RFX3: variants seen among roughly 807,000 people sequenced by gnomAD.
RFX3 encodes the protein transcription factor RFX3.
RFX3 carries 14 observed loss-of-function variants against 98.6 expected under a neutral mutation model. The ratio of observed to expected loss-of-function variants is 0.14; its 90% confidence interval spans 0.09 to 0.22. The LOEUF is 0.22. Among genes scored for constraint, RFX3 ranks in the 10% least tolerant of loss-of-function variants. The pLI is 1.00. For missense variants in RFX3, 639 were observed against 926.9 expected (o/e 0.69, Z 4.03); for synonymous variants, 383 against 328.4 (o/e 1.17, Z -1.80).
At chr9:3,372,634 G>A (rs1340981087) in intron 2 of RFX3, among the ~76,000 whole-genome samples, 1 of 147,710 alleles carries the variant, frequency 6.8e-6, no homozygotes, top group Non-Finnish European at 1.5e-5. Context: ...TGCAACCTCT[G>A]CCCCCCAGGT....
intron 1 of RFX3, among the ~76,000 whole-genome samples, chr9:3,496,797 T>C (rs1226268672): frequency 6.6e-6 from 1 of 151,982 alleles, no homozygotes; most frequent in Non-Finnish European, 1.5e-5. Context: ...CCTAACAATT[T>C]TGCAAGCTAA....
chr9:3,483,362 G>A (rs1348363571), intron 1 of RFX3, among the ~76,000 whole-genome samples: 2 of 152,150 alleles, frequency 1.3e-5, no homozygotes, highest in Non-Finnish European at 2.9e-5. Flanking sequence ...TGTCCCTGTT[G>A]AGACAGGTAC....
At chr9:3,423,378 C>T (rs1234531785) in intron 1 of RFX3, among the ~76,000 whole-genome samples, 1 of 152,050 alleles carries the variant, frequency 6.6e-6, no homozygotes, top group Admixed American at 6.5e-5. Flanking sequence ...AAACTGAAAA[C>T]CAAATATACA....
At chr9:3,417,332 C>G (rs1240714789) in intron 1 of RFX3, among the ~76,000 whole-genome samples, 1 of 151,992 alleles carries the variant, frequency 6.6e-6, no homozygotes, top group Non-Finnish European at 1.5e-5. Flanking sequence ...TCAATTTGTG[C>G]AAACTGACAT....
At chr9:3,406,413 T>A (rs1262398722) in intron 1 of RFX3, among the ~76,000 whole-genome samples, 1 of 152,050 alleles carries the variant, frequency 6.6e-6, no homozygotes, top group African/African-American at 2.4e-5. Flanking sequence ...TCCATCTTGC[T>A]CTTAACAAGT....
intron 4 of RFX3, among the ~76,000 whole-genome samples, chr9:3,312,793 G>A (rs1164644146): frequency 6.6e-6 from 1 of 152,210 alleles, no homozygotes; most frequent in Non-Finnish European, 1.5e-5. Flanking sequence ...AGATTGAACT[G>A]CAAGGTGGCA....
Position 3,385,687 on chromosome 9 carries a change from TA to T in RFX3, c.117+9784del, listed in dbSNP as rs1163965329. On this transcript the variant is annotated intron_variant, in intron 2 of 16. Transcript: ENST00000617270. ...TGCACCATTGCACTCCAGCCTGTCT[TA>T]AAAAAAAAAAAAAAAAGAAAAGAAA... is the stretch of plus-strand genomic sequence containing the variant. Among the ~76,000 whole-genome samples the T allele has an allele frequency of 2.6e-3, 310 of 118,634 alleles. 1 individual carries two copies. The highest frequency in any genetic ancestry group is 2.9e-3 in the Admixed American group (32 of 11,192). 77.8% of individuals were successfully genotyped at this position (118,634 alleles called of 152,430 possible).
chr9:3,366,690 TTTCCTTTCTTTCTTTCTTTC>T (rs1363168850), intron 2 of RFX3, among the ~76,000 whole-genome samples: 16 of 127,282 alleles, frequency 1.3e-4, no homozygotes, highest in Non-Finnish European at 1.3e-4. Context: ...TTCTTCTTTC[TTTCCTTTCTTTCTTTCTTTC>T]TTTCTTTCTT....
intron 1 of RFX3, among the ~76,000 whole-genome samples, chr9:3,428,335 C>T (rs930676579): frequency 2.0e-5 from 3 of 152,076 alleles, no homozygotes; most frequent in Non-Finnish European, 2.9e-5. Flanking sequence ...GAATAGGTAG[C>T]GCTAAATAAT....
intron 1 of RFX3, among the ~76,000 whole-genome samples, chr9:3,487,172 C>A (rs561378038): frequency 5.9e-4 from 90 of 152,100 alleles, no homozygotes; most frequent in Non-Finnish European, 1.1e-3. Context: ...TTTCAAAGTT[C>A]TATAAACAGA....
chr9:3,483,656 T>C lies in RFX3; in HGVS notation c.-9+42091A>G, dbSNP rs566796756. On this transcript the variant is annotated intron_variant, in intron 1 of 16. Transcript: ENST00000617270. ...TTCACATTGAAATCCAGATTATAGATATCCAGGTATATGCTTTCCTCTATT... is the reference window on the plus strand; with the variant it reads ...TTCACATTGAAATCCAGATTATAGACATCCAGGTATATGCTTTCCTCTATT... Among the ~76,000 whole-genome samples, 131 of 152,310 alleles carry C rather than the reference T, an allele frequency of 8.6e-4. 1 individual carries two copies. In the South Asian group the frequency reaches 0.026, roughly 30 times the overall value.
chr9:3,372,195 C>G (rs1393215755), intron 2 of RFX3, among the ~76,000 whole-genome samples: 6 of 152,186 alleles, frequency 3.9e-5, no homozygotes, highest in Non-Finnish European at 8.8e-5. Context: ...ATTAACCACC[C>G]CTGTATCTCT....
At chr9:3,502,193 A>G (rs1816103366) in intron 1 of RFX3, among the ~76,000 whole-genome samples, 1 of 151,520 alleles carries the variant, frequency 6.6e-6, no homozygotes, top group South Asian at 2.1e-4. Flanking sequence ...CGGGAGGCGG[A>G]GCTTGCAGTG....
intron 15 of RFX3, among the ~76,000 whole-genome samples, chr9:3,233,897 T>C (rs1221002505): frequency 1.3e-5 from 2 of 152,290 alleles, no homozygotes; most frequent in African/African-American, 4.8e-5. Flanking sequence ...AATATCATCA[T>C]TATCTCCCAA....
chr9:3,395,052 G>T (rs1840714118), intron 2 of RFX3, among the ~76,000 whole-genome samples: 1 of 152,162 alleles, frequency 6.6e-6, no homozygotes, highest in Non-Finnish European at 1.5e-5. Flanking sequence ...CAAAATCCCT[G>T]CCTGGAAGGT....
chr9:3,468,084 A>G (rs1183279693), intron 1 of RFX3, among the ~76,000 whole-genome samples: 1 of 152,200 alleles, frequency 6.6e-6, no homozygotes, highest in African/African-American at 2.4e-5. Context: ...ACGATGCCTC[A>G]AGTTTTACAG....
At chr9:3,309,148 T>A (rs1563901578) in intron 4 of RFX3, among the ~76,000 whole-genome samples, 1 of 152,144 alleles carries the variant, frequency 6.6e-6, no homozygotes, top group Non-Finnish European at 1.5e-5. Context: ...TTCTTTTGAG[T>A]ATGCCAAGCA....
intron 11 of RFX3, 71 bp downstream of exon 11, chr9:3,270,300 T>C: frequency 7.0e-7 from 1 of 1,426,906 alleles, no homozygotes; most frequent in South Asian, 1.3e-5. Flanking sequence ...GATTGCAATG[T>C]CACTTCTCAA....
At chr9:3,505,451 A>AAAATAAAATACTTTATTTTATAT (rs1564187575) in intron 1 of RFX3, among the ~76,000 whole-genome samples, 4 of 24,716 alleles carry the variant, frequency 1.6e-4, no homozygotes, top group African/African-American at 3.8e-4. Context: ...ATATTTATAT[A>AAAATAAAATACTTTATTTTATAT]AAATATAAAA....
Sources: allele counts gnomAD v4.1 joint callset (sites outside exome capture counted in the v4.1 genomes callset), GRCh38; gene constraint gnomAD v4.1.1; transcripts MANE v1.5; gene names NCBI Gene and HGNC (gene_info 2026-07-23, HGNC 2026-07-21).